Variants in LARP4B observed in about 807,000 individuals in gnomAD.
The protein encoded by LARP4B is La ribonucleoprotein 4B.
Under a neutral mutation model 89.8 loss-of-function variants are expected in LARP4B, and 12 were observed. The ratio of observed to expected loss-of-function variants is 0.13; its 90% CI spans 0.09 to 0.22. The LOEUF (loss-of-function observed/expected upper bound fraction) is 0.22. Ranked by LOEUF, LARP4B falls within the 10% of genes least tolerant of loss-of-function variation. LARP4B has a pLI of 1.00. For missense variants in LARP4B, 757 were observed against 947.7 expected, an observed-to-expected ratio of 0.80 and a Z score of 2.64; for synonymous variants, 367 against 363.3, an observed-to-expected ratio of 1.01 and a Z score of -0.12.
At chr10:869,697 G>A (rs1244761757) in intron 3 of LARP4B, among the ~76,000 whole-genome samples, 1 of 151,834 alleles carries the variant, frequency 6.6e-6, no homozygotes, top group African/African-American at 2.4e-5. Flanking sequence ...AACCGGCCTG[G>A]CCAACATGGC....
intron 1 of LARP4B, among the ~76,000 whole-genome samples, chr10:887,918 A>G (rs1396032679): frequency 1.3e-5 from 2 of 151,624 alleles, no homozygotes; most frequent in Admixed American, 1.3e-4. Context: ...CCAGCTACTC[A>G]GGAGGCTGAG....
the LARP4B span, chr10:972,756 GA>G: frequency 6.6e-6 from 3 of 456,760 alleles, no homozygotes; most frequent in African/African-American, 4.0e-5. Context: ...ATAAGGCAGA[GA>G]AAAGTAGTTA....
At position 839,166 on chromosome 10, in the gene LARP4B, A is replaced by C. The variant is rs551035657; in HGVS notation, c.647-2660T>G. On this transcript the variant is annotated intron_variant, in intron 7 of 17. Transcript: ENST00000316157. ...GTTTAGGTCAGTAAAATTACCCTGT[A>C]TGATACTGTAATGGTAGATAATGTC... Among the ~76,000 whole-genome samples the C allele has an allele frequency of 2.6e-5, 4 of 152,362 alleles. No homozygotes were observed. In the South Asian group the frequency reaches 8.3e-4, roughly 32 times the overall value.
At chr10:842,825 C>T (rs1478905642) in intron 7 of LARP4B, 107 bp downstream of exon 7, 27 of 965,596 alleles carry the variant, frequency 2.8e-5, no homozygotes, top group Admixed American at 5.1e-5. Context: ...GAATCTGATT[C>T]GCCATCAAGG....
At chr10:925,255 G>T (rs1837106124) in intron 1 of LARP4B, among the ~76,000 whole-genome samples, 1 of 152,050 alleles carries the variant, frequency 6.6e-6, no homozygotes, top group African/African-American at 2.4e-5. Context: ...AAATCCTGTT[G>T]CCTTTCATCT....
chr10:980,183 C>A, the LARP4B span, among the ~76,000 whole-genome samples: 61 of 152,344 alleles, frequency 4.0e-4, 1 homozygote, highest in South Asian at 7.9e-3. Flanking sequence ...AGGCCTTGGG[C>A]AGCTCTGCCC....
chr10:921,871 C>T (rs1325808279), intron 1 of LARP4B, among the ~76,000 whole-genome samples: 2 of 152,118 alleles, frequency 1.3e-5, no homozygotes, highest in Non-Finnish European at 2.9e-5. Flanking sequence ...CTGAAGGCCA[C>T]GTGCACACGC....
the LARP4B span, among the ~76,000 whole-genome samples, chr10:980,620 C>T: frequency 1.5e-4 from 23 of 152,202 alleles, no homozygotes; most frequent in Non-Finnish European, 1.5e-4. Context: ...CTTTGAACCA[C>T]GGCTGCAGCT....
chr10:920,032 C>T (rs769035798), intron 1 of LARP4B, among the ~76,000 whole-genome samples: 2 of 152,210 alleles, frequency 1.3e-5, no homozygotes, highest in African/African-American at 2.4e-5. Context: ...AAAGCACAGT[C>T]TAATAACTGC....
chr10:911,379 T>C (rs1836659763), intron 1 of LARP4B, among the ~76,000 whole-genome samples: 1 of 152,216 alleles, frequency 6.6e-6, no homozygotes, highest in Non-Finnish European at 1.5e-5. Context: ...TTCTGCTTTT[T>C]CCTCTTTTGG....
chr10:946,850 T>C, the LARP4B span, among the ~76,000 whole-genome samples: 2 of 152,280 alleles, frequency 1.3e-5, no homozygotes, highest in Admixed American at 1.3e-4. Flanking sequence ...AGAACTTCCA[T>C]ACTTTTGACT....
intron 5 of LARP4B, among the ~76,000 whole-genome samples, chr10:857,106 C>T (rs1462859791): frequency 2.0e-5 from 3 of 152,088 alleles, no homozygotes; most frequent in African/African-American, 7.2e-5. Flanking sequence ...TCACAGCTGG[C>T]TCTCAAGAAA....
At position 814,498 on chromosome 10, in the gene LARP4B, T is replaced by C. The variant is rs1831916204; in HGVS notation, c.1929+244A>G. 1.4e-6 allele frequency: 1 copy of C among 717,142 alleles called. No homozygotes were observed. The allele number at this position is 717,142 out of a possible 1,614,324, so 44.4% of individuals were successfully genotyped here. On this transcript the variant is annotated intron_variant, in intron 17 of 17. Coordinates refer to ENST00000316157, the MANE Select transcript of LARP4B (RefSeq NM_015155.3). The surrounding 1 kb of genome is among the most constrained non-coding windows in gnomAD (Gnocchi z 4.4). ...GGGTCTTGTTACTACTCAAGAAACC[T>C]CTATTGACCAACACTGAAATAAAAG... is the stretch of plus-strand genomic sequence containing the variant.
At chr10:869,983 C>G (rs749669052) in intron 3 of LARP4B, 55 of 778,702 alleles carry the variant, frequency 7.1e-5, no homozygotes, top group Non-Finnish European at 8.6e-5. Flanking sequence ...TACCGCAGCA[C>G]AATAGTAAAC....
the LARP4B span, among the ~76,000 whole-genome samples, chr10:974,258 A>G: frequency 4.9e-5 from 7 of 143,230 alleles, no homozygotes; most frequent in African/African-American, 1.8e-4. Context: ...CTTTGTCTAC[A>G]TGGCTCGCTC....
At chr10:859,156 G>A (rs1418728636) in intron 5 of LARP4B, among the ~76,000 whole-genome samples, 1 of 152,046 alleles carries the variant, frequency 6.6e-6, no homozygotes, top group Non-Finnish European at 1.5e-5. Flanking sequence ...GCTCACACCT[G>A]TAATCTAGGC....
At chr10:902,324 C>A (rs972128865) in intron 1 of LARP4B, among the ~76,000 whole-genome samples, 1 of 152,236 alleles carries the variant, frequency 6.6e-6, no homozygotes, top group Non-Finnish European at 1.5e-5. Context: ...CCCTAAGCTG[C>A]AGCAGTGCGA....
At chr10:982,841 G>A in the LARP4B span, among the ~76,000 whole-genome samples, 5 of 152,220 alleles carry the variant, frequency 3.3e-5, no homozygotes, top group African/African-American at 1.2e-4. Context: ...ACTATAAGGC[G>A]AAAGGAAACA....
At chr10:848,208 G>A (rs1430684319) in intron 5 of LARP4B, among the ~76,000 whole-genome samples, 2 of 151,726 alleles carry the variant, frequency 1.3e-5, no homozygotes, top group Admixed American at 6.6e-5. Context: ...GCCCTGCCTC[G>A]GTGATAGGAA....
Sources: gnomAD v4.1 joint callset for allele counts (sites outside exome capture counted in the v4.1 genomes callset) on GRCh38, gnomAD v4.1.1 for gene constraint, Gnocchi (gnomAD v3.1) non-coding constraint, MANE v1.5 for transcripts, NCBI Gene and HGNC (gene_info 2026-07-23, HGNC 2026-07-21) for gene names.